NHEJ1: variants seen among roughly 807,000 people sequenced by gnomAD.
The protein encoded by NHEJ1 is non-homologous end joining factor 1.
A neutral mutation model predicts 39.4 loss-of-function variants in NHEJ1; 22 were observed. The ratio of observed to expected loss-of-function variants is 0.56; its 90% CI spans 0.40 to 0.80. The LOEUF is 0.80. Among genes scored for constraint, NHEJ1 ranks in the 30% least tolerant of loss-of-function variants. The pLI, the probability that NHEJ1 is intolerant of heterozygous loss-of-function variation, is 0.00. For synonymous variants in NHEJ1, 154 were observed against 135.6 expected (o/e 1.14, Z -0.94); for missense variants, 329 against 357.1 (o/e 0.92, Z 0.63).
rs185241048 is a variant in NHEJ1, at chr2:219,083,940, G to A, written c.589-5734C>T. On this transcript the variant is annotated intron_variant, in intron 5 of 7. Coordinates refer to ENST00000356853, the MANE Select transcript of NHEJ1 (RefSeq NM_024782.3). ...TTCAATACACTCCTTGACCTATGAT[G>A]GGGCTATCTCTGGATAGTCTCATAA... Among the ~76,000 whole-genome samples, 13 of 152,052 alleles carry A rather than the reference G, an allele frequency of 8.5e-5. No individual in the cohort carries two copies. The East Asian group carries it at 2.3e-3, about 27-fold the overall frequency.
At chr2:219,113,697 A>G (rs1208994486) in intron 5 of NHEJ1, among the ~76,000 whole-genome samples, 1 of 152,070 alleles carries the variant, frequency 6.6e-6, no homozygotes, top group Non-Finnish European at 1.5e-5. Context: ...TCTATAAACT[A>G]TAGAGAAGTG....
chr2:219,157,989 TCTCACACA>T lies in NHEJ1; in HGVS notation c.177+189_177+196del, dbSNP rs59900739. 0.33 allele frequency among the ~76,000 whole-genome samples: 38,548 copies of T among 116,866 alleles called. 5,611 individuals are homozygous for T. Among genetic ancestry groups the T allele is most frequent in the Non-Finnish European group, 0.38 (22,055 of 57,784 alleles). The allele number at this position is 116,866 out of a possible 152,430, so 76.7% of individuals were successfully genotyped here. ...AACTTTCTTTCTCTCTCTCTCTCTC[TCTCACACA>T]CACACACACACACACACACACACAC... On this transcript the variant is annotated intron_variant, in intron 2 of 7. Coordinates refer to ENST00000356853, the MANE Select transcript of NHEJ1 (RefSeq NM_024782.3).
At chr2:219,149,453 A>G (rs902578530) in intron 3 of NHEJ1, among the ~76,000 whole-genome samples, 2 of 151,900 alleles carry the variant, frequency 1.3e-5, no homozygotes, top group Non-Finnish European at 2.9e-5. Flanking sequence ...CAGTCTCTAC[A>G]AAAAATACAA....
At chr2:219,109,704 G>A (rs577326912) in intron 5 of NHEJ1, among the ~76,000 whole-genome samples, 90 of 152,246 alleles carry the variant, frequency 5.9e-4, no homozygotes, top group African/African-American at 2.1e-3. Context: ...TATATATGAG[G>A]TAGGCAAAGG....
chr2:219,072,340 C>A lies in NHEJ1; in HGVS notation c.*4041G>T, dbSNP rs564037350. On this transcript the variant is annotated 3_prime_UTR_variant, in exon 8 of 8. Transcript: ENST00000356853. The stretch of plus-strand genomic sequence containing the variant: ...TCTGTATCTAAGGGCCTAGTGTAAT[C>A]CATTACAATTTTGCTAGCCCATACA... Among the ~76,000 whole-genome samples the A allele has an allele frequency of 8.5e-5, 13 of 152,272 alleles. No individual in the cohort carries two copies. The highest frequency in any genetic ancestry group is 4.1e-4 in the South Asian group (2 of 4,822).
At chr2:219,156,253 A>T (rs1022500095) in intron 3 of NHEJ1, among the ~76,000 whole-genome samples, 1 of 152,200 alleles carries the variant, frequency 6.6e-6, no homozygotes, top group African/African-American at 2.4e-5. Flanking sequence ...CGTCTCAAAA[A>T]AAATAAATAA....
intron 5 of NHEJ1, among the ~76,000 whole-genome samples, chr2:219,122,576 C>G (rs1054427616): frequency 6.6e-6 from 1 of 152,176 alleles, no homozygotes. Flanking sequence ...CACAACTCCA[C>G]TAAGTTGTCA....
At chr2:219,081,870 A>C (rs973368473) in intron 5 of NHEJ1, among the ~76,000 whole-genome samples, 44 of 152,352 alleles carry the variant, frequency 2.9e-4, no homozygotes, top group Non-Finnish European at 3.4e-4. Context: ...GTGAAGCATA[A>C]AGGTGTGAAG....
intron 5 of NHEJ1, among the ~76,000 whole-genome samples, chr2:219,134,178 T>C (rs1949603508): frequency 6.6e-6 from 1 of 152,230 alleles, no homozygotes; most frequent in South Asian, 2.1e-4. Context: ...CCTCTGTCAG[T>C]CAGTTACCCC....
chr2:219,099,122 A>C (rs1056234734), intron 5 of NHEJ1, among the ~76,000 whole-genome samples: 4 of 150,712 alleles, frequency 2.7e-5, no homozygotes, highest in African/African-American at 9.7e-5. Flanking sequence ...ATGTGCTCGG[A>C]AAGTGGCATG....
intron 4 of NHEJ1, 136 bp downstream of exon 4, chr2:219,147,521 C>T (rs551314982): frequency 2.0e-6 from 2 of 1,010,914 alleles, no homozygotes; most frequent in Admixed American, 1.9e-5. Flanking sequence ...AATATCAAGA[C>T]TCCAGTTTCT....
At chr2:219,096,923 T>G (rs928790802) in intron 5 of NHEJ1, among the ~76,000 whole-genome samples, 1 of 152,120 alleles carries the variant, frequency 6.6e-6, no homozygotes, top group African/African-American at 2.4e-5. Context: ...AGCAAGGAAG[T>G]GGCATGAACT....
At chr2:219,108,944 A>G (rs763361062) in intron 5 of NHEJ1, among the ~76,000 whole-genome samples, 33 of 152,218 alleles carry the variant, frequency 2.2e-4, no homozygotes, top group Admixed American at 2.0e-4. Flanking sequence ...TGTATTCTAC[A>G]TCTGAACCCT....
At chr2:219,082,688 T>C (rs1303569112) in intron 5 of NHEJ1, among the ~76,000 whole-genome samples, 1 of 152,226 alleles carries the variant, frequency 6.6e-6, no homozygotes, top group Non-Finnish European at 1.5e-5. Context: ...TGAGCATGTC[T>C]TTGGTTCTGG....
At chr2:219,138,768 AG>A (rs1286141097) in intron 5 of NHEJ1, among the ~76,000 whole-genome samples, 1 of 152,240 alleles carries the variant, frequency 6.6e-6, no homozygotes, top group Non-Finnish European at 1.5e-5. Flanking sequence ...GCTAAGGTGC[AG>A]GGGGGACAAA....
intron 5 of NHEJ1, among the ~76,000 whole-genome samples, chr2:219,126,586 C>T (rs2385259): frequency 0.94 from 143,632 of 152,278 alleles, 68,304 homozygotes; most frequent in East Asian, 1. Flanking sequence ...TACAAACATT[C>T]ACTGAGTGTT....
chr2:219,147,459 C>G (rs1240958206), intron 4 of NHEJ1, among the ~76,000 whole-genome samples, 198 bp downstream of exon 4: 1 of 152,210 alleles, frequency 6.6e-6, no homozygotes, highest in Non-Finnish European at 1.5e-5. Flanking sequence ...TCCAGCCTAG[C>G]TGACAGAGCG....
At chr2:219,107,008 T>C (rs1032228822) in intron 5 of NHEJ1, among the ~76,000 whole-genome samples, 1 of 152,204 alleles carries the variant, frequency 6.6e-6, no homozygotes, top group Non-Finnish European at 1.5e-5. Flanking sequence ...TGAGTGGGCT[T>C]CAATGGTGCC....
chr2:219,136,590 C>G (rs894959097), intron 5 of NHEJ1, among the ~76,000 whole-genome samples: 1 of 151,842 alleles, frequency 6.6e-6, no homozygotes, highest in South Asian at 2.1e-4. Context: ...CACGTAGCCC[C>G]TACTTGGTTT....
Sources: allele counts gnomAD v4.1 joint callset (sites outside exome capture counted in the v4.1 genomes callset), GRCh38; gene constraint gnomAD v4.1.1; transcripts MANE v1.5; gene names NCBI Gene and HGNC (gene_info 2026-07-23, HGNC 2026-07-21).